The following APTX variants were observed in gnomAD, a reference collection of about 807,000 sequenced individuals.
APTX encodes the protein forkhead-associated domain histidine triad-like protein.
A neutral mutation model predicts 42.3 loss-of-function variants in APTX; 33 were observed. The observed-to-expected ratio is 0.78, with a 90% CI of 0.59 to 1.04. APTX has a LOEUF of 1.04. Among genes scored for constraint, APTX ranks in the 50% least tolerant of loss-of-function variants. The pLI, the probability that APTX is intolerant of heterozygous loss-of-function variation, is 0.00. For synonymous variants in APTX, 130 were observed against 146.7 expected (o/e 0.89, Z 0.82); for missense variants, 421 against 415.1 (o/e 1.01, Z -0.12).
At chr9:32,987,097 A>G (rs1191213807) in intron 4 of APTX, among the ~76,000 whole-genome samples, 1 of 152,222 alleles carries the variant, frequency 6.6e-6, no homozygotes, top group African/African-American at 2.4e-5. Flanking sequence ...TACAGGCGTG[A>G]ACCACTGCAC....
Position 32,992,085 on chromosome 9 carries a change from A to C in APTX, c.-4-2190T>G, listed in dbSNP as rs537191057. ...AGGATGAGATCACCCAATGAGGTGA[A>C]ACAGGGAATTATGGGCAGAGAGAGA... On this transcript the variant is annotated intron_variant, in intron 1 of 7. Transcript: ENST00000379817. Among the ~76,000 whole-genome samples the C allele has an allele frequency of 2.2e-4, 34 of 152,292 alleles. No individual in the cohort carries two copies. In the South Asian group the frequency reaches 6.6e-3, roughly 30 times the overall value.
In APTX at chr9:33,009,811, G is replaced by T. The variant is rs139813120; in HGVS notation, c.-5+15212C>A. 5.3e-3 allele frequency among the ~76,000 whole-genome samples: 801 copies of T among 150,594 alleles called. 8 individuals are homozygous for T. The highest frequency in any genetic ancestry group is 0.018 in the African/African-American group (754 of 41,380). ...CTAAAAAAAATAATAATAAAGAAAA[G>T]AAAAGGGAAAAAAAATTCAAAACAC... On this transcript the variant is annotated intron_variant, in intron 1 of 6. Transcript: ENST00000436040.
At chr9:32,977,955 T>C (rs924725649) in intron 6 of APTX, among the ~76,000 whole-genome samples, 1 of 152,230 alleles carries the variant, frequency 6.6e-6, no homozygotes, top group Non-Finnish European at 1.5e-5. Context: ...AGTGTGTTGC[T>C]TTAAAAATCT....
chr9:33,022,218 A>T (rs1488616666), intron 1 of APTX, among the ~76,000 whole-genome samples: 1 of 152,186 alleles, frequency 6.6e-6, no homozygotes, highest in Non-Finnish European at 1.5e-5. Flanking sequence ...ACTAATATCT[A>T]CCCCTAAAAG....
At chr9:33,003,252 C>A (rs1836843031), upstream of APTX, among the ~76,000 whole-genome samples, 1 of 152,180 alleles carries the variant, frequency 6.6e-6, no homozygotes, top group Non-Finnish European at 1.5e-5. Context: ...AGGCCTAGTC[C>A]ATTGTCTATA....
In APTX at chr9:32,984,805, CGGGCCTTT is replaced by C. The variant is rs1563961179; in HGVS notation, c.588_595del (p.Lys197LeufsTer23). The C allele has an allele frequency of 6.2e-7, 1 of 1,614,034 alleles. No individual in the cohort carries two copies. Among genetic ancestry groups the C allele is most frequent in the African/African-American group, 1.3e-5 (1 of 74,906 alleles). The stretch of plus-strand genomic sequence containing the variant: ...CCACGGTAAGACCAGCCAATGGTAA[CGGGCCTTT>C]GGGTATTTATCCTTTATCACCACCA... On this transcript the variant is annotated frameshift_variant, in exon 6 of 8. Transcript: ENST00000379817. LOFTEE classifies it high-confidence loss of function.
chr9:32,987,215 C>A (rs1374489984), intron 4 of APTX, among the ~76,000 whole-genome samples: 2 of 152,208 alleles, frequency 1.3e-5, no homozygotes, highest in Admixed American at 1.3e-4. Flanking sequence ...TACAGCCTGA[C>A]CAATTCTCCA....
chr9:32,988,711 A>G (rs868409766), intron 2 of APTX, among the ~76,000 whole-genome samples: 64 of 149,242 alleles, frequency 4.3e-4, no homozygotes, highest in South Asian at 1.5e-3. Flanking sequence ...AAAAAAAAAA[A>G]AAGATCCATT....
Position 32,989,787 on chromosome 9 carries a change from G to T in APTX, c.105C>A (p.Ile35=), listed in dbSNP as rs1265731588. The T allele has an allele frequency of 6.2e-7, 1 of 1,614,202 alleles. No individual in the cohort carries two copies. Among genetic ancestry groups the T allele is most frequent in the East Asian group, 2.2e-5 (1 of 44,890 alleles). Residue 35 remains isoleucine, a synonymous_variant, in exon 2 of 8, where the codon ATC becomes ATA. Transcript: ENST00000379817. ...VVIGRGPETK[I]TDKKCSRQQV... ...GCTGTCGAGAACATTTCTTATCAGTGATCTTGGTCTCTGGGCCACGCCCAA... is the reference window on the plus strand; with the variant it reads ...GCTGTCGAGAACATTTCTTATCAGTTATCTTGGTCTCTGGGCCACGCCCAA...
intron 1 of APTX, among the ~76,000 whole-genome samples, chr9:33,008,678 A>G (rs1257071936): frequency 6.7e-6 from 1 of 150,190 alleles, no homozygotes; most frequent in Non-Finnish European, 1.5e-5. Flanking sequence ...CAGCCTCCCC[A>G]GTAGCTGGGA....
chr9:32,995,821 G>C (rs1360695693), intron 1 of APTX, among the ~76,000 whole-genome samples: 1 of 151,372 alleles, frequency 6.6e-6, no homozygotes, highest in East Asian at 1.9e-4. Context: ...CCGGGAGGCG[G>C]AGCTTGCAGT....
chr9:33,005,350 T>C (rs996531422), upstream of APTX, among the ~76,000 whole-genome samples: 2 of 151,008 alleles, frequency 1.3e-5, no homozygotes, highest in Admixed American at 6.6e-5. Flanking sequence ...TTTTCCCTTA[T>C]GTTTTCTAAG....
At chr9:32,999,965 T>A (rs1045850282) in intron 1 of APTX, among the ~76,000 whole-genome samples, 2 of 151,802 alleles carry the variant, frequency 1.3e-5, no homozygotes, top group Non-Finnish European at 2.9e-5. Flanking sequence ...CAAAAAAATA[T>A]AAAAATAAAA....
intron 1 of APTX, among the ~76,000 whole-genome samples, chr9:33,012,782 A>G (rs1837628287): frequency 6.6e-6 from 1 of 152,182 alleles, no homozygotes. Flanking sequence ...TAAGTCACCA[A>G]TTTTGAGGGC....
intron 2 of APTX, 93 bp from the exon 3 acceptor site, chr9:32,988,222 C>A: frequency 1.7e-6 from 2 of 1,158,610 alleles, no homozygotes; most frequent in Non-Finnish European, 2.6e-6. Context: ...TCACTACAGG[C>A]GGCAGCTGAA....
chr9:33,023,695 G>A (rs1838590737), intron 1 of APTX, among the ~76,000 whole-genome samples: 1 of 152,210 alleles, frequency 6.6e-6, no homozygotes, highest in Admixed American at 6.5e-5. Flanking sequence ...AGCATACAAA[G>A]GTGAAAAGGC....
intron 1 of APTX, among the ~76,000 whole-genome samples, chr9:33,008,990 C>T (rs908866437): frequency 3.9e-5 from 6 of 152,234 alleles, no homozygotes; most frequent in African/African-American, 1.4e-4. Context: ...TGTAAATTCA[C>T]TTTAAAATCT....
intron 1 of APTX, among the ~76,000 whole-genome samples, chr9:33,015,297 G>A (rs761102938): frequency 2.0e-5 from 3 of 152,268 alleles, no homozygotes; most frequent in East Asian, 1.9e-4. Context: ...AAATAATAAC[G>A]CCTTATAAAT....
intron 1 of APTX, among the ~76,000 whole-genome samples, chr9:32,993,280 T>G (rs1482620342): frequency 6.6e-6 from 1 of 152,216 alleles, no homozygotes. Context: ...ACAACAGTTA[T>G]GTAACCAACC....
Sources: gnomAD v4.1 joint callset for allele counts (sites outside exome capture counted in the v4.1 genomes callset) on GRCh38, gnomAD v4.1.1 for gene constraint, MANE v1.5 for transcripts, NCBI Gene and HGNC (gene_info 2026-07-23, HGNC 2026-07-21) for gene names.